Variants in PHGDH observed in about 807,000 individuals in gnomAD.
PHGDH encodes the protein phosphoglycerate dehydrogenase.
PHGDH carries 50 observed loss-of-function variants against 52.6 expected under a neutral mutation model. The ratio of observed to expected loss-of-function variants is 0.95; its 90% CI spans 0.76 to 1.20. The LOEUF (loss-of-function observed/expected upper bound fraction) is 1.20. Ranked by LOEUF, PHGDH falls within the 50% of genes most tolerant of loss-of-function variation. The pLI, the probability that PHGDH is intolerant of heterozygous loss-of-function variation, is 0.00. For synonymous variants in PHGDH, 271 were observed against 280.5 expected, an observed-to-expected ratio of 0.97 and a Z score of 0.34; for missense variants, 630 against 684.6, an observed-to-expected ratio of 0.92 and a Z score of 0.89.
intron 2 of PHGDH, among the ~76,000 whole-genome samples, chr1:119,722,268 A>C (rs1651201794): frequency 2.0e-5 from 3 of 152,144 alleles, no homozygotes; most frequent in African/African-American, 7.2e-5. Flanking sequence ...GCAGGCAGAC[A>C]GACTCTGAGA....
chr1:119,734,789 G>T (rs1165534348), intron 6 of PHGDH, 23 bp downstream of exon 6: 5 of 1,613,588 alleles, frequency 3.1e-6, no homozygotes, highest in Non-Finnish European at 4.2e-6. Flanking sequence ...TTACATTGTG[G>T]ATTGGTCACA....
intron 1 of PHGDH, among the ~76,000 whole-genome samples, chr1:119,716,797 GA>G (rs774196395): frequency 6.6e-6 from 1 of 152,116 alleles, no homozygotes; most frequent in Non-Finnish European, 1.5e-5. Context: ...TGGCTGCAAA[GA>G]AATGACCACT....
chr1:119,731,350 C>G (rs1305907905), intron 5 of PHGDH, among the ~76,000 whole-genome samples: 1 of 152,178 alleles, frequency 6.6e-6, no homozygotes, highest in Non-Finnish European at 1.5e-5. Context: ...CTCAGAGACT[C>G]AGCTCATTCA....
chr1:119,726,989 C>T lies in PHGDH; in HGVS notation c.412-15C>T, dbSNP rs368681081. ...GCTGACTTCAGCTTCTTTCCTTTTG[C>T]CTGTTTGGTTGCAGTTCATGGGAAC... On this transcript the variant is annotated splice_polypyrimidine_tract_variant and intron_variant, in intron 4 of 11. Coordinates refer to ENST00000641023, the MANE Select transcript of PHGDH (RefSeq NM_006623.4). The T allele has an allele frequency of 3.1e-4, 497 of 1,610,068 alleles. No individual in the cohort carries two copies. Among genetic ancestry groups the T allele is most frequent in the Non-Finnish European group, 4.1e-4 (484 of 1,176,380 alleles).
intron 3 of PHGDH, among the ~76,000 whole-genome samples, chr1:119,723,877 A>G (rs768488254): frequency 1.1e-4 from 16 of 152,142 alleles, no homozygotes; most frequent in Non-Finnish European, 2.4e-4. Flanking sequence ...CAGCTAGGCT[A>G]TGTCCCTCAC....
chr1:119,739,945 T>TA (rs1322751476), intron 8 of PHGDH: 27 of 199,304 alleles, frequency 1.4e-4, no homozygotes, highest in Admixed American at 6.9e-4. Context: ...TGTAAACACT[T>TA]AAAAAAATTC....
Position 119,744,129 on chromosome 1 carries a change from G to T in PHGDH, c.*89G>T. ...TAGGGAGAGAAAATCCACATTCTTG[G>T]GCTGAACGCGGGCCTCTGACACTGC... is the stretch of plus-strand genomic sequence containing the variant. On this transcript the variant is annotated 3_prime_UTR_variant, in exon 12 of 12. Transcript: ENST00000641023. 1.6e-6 allele frequency: 2 copies of T among 1,236,526 alleles called. No homozygotes were observed. The highest frequency in any genetic ancestry group is 1.2e-5 in the South Asian group (1 of 82,960). The allele number at this position is 1,236,526 out of a possible 1,614,324, so 76.6% of individuals were successfully genotyped here.
chr1:119,743,131 GC>G (rs1264506441), intron 11 of PHGDH, 87 bp downstream of exon 11: 1 of 868,850 alleles, frequency 1.2e-6, no homozygotes, highest in African/African-American at 1.6e-5. Context: ...CCTTCCTTTA[GC>G]CCCTCTTCAT....
chr1:119,737,024 C>T (rs945981072), intron 7 of PHGDH, 90 bp from the exon 8 acceptor site: 24 of 1,314,800 alleles, frequency 1.8e-5, no homozygotes, highest in Non-Finnish European at 2.4e-5. Context: ...TCCTGACTGC[C>T]TTCCCTCCAA....
At chr1:119,712,647 C>T (rs2101137623) in intron 1 of PHGDH, 1 of 177,300 alleles carries the variant, frequency 5.6e-6, no homozygotes, top group Admixed American at 5.6e-5. Context: ...GGCCGCCCCG[C>T]CGATTCTAGC....
chr1:119,725,769 T>C (rs1651381327), intron 3 of PHGDH, among the ~76,000 whole-genome samples: 2 of 152,194 alleles, frequency 1.3e-5, no homozygotes, highest in Admixed American at 1.3e-4. Context: ...TCGCTCACTC[T>C]GAGGTTTTTG....
chr1:119,739,541 AT>A (rs1357365098), intron 8 of PHGDH: 4 of 152,126 alleles, frequency 2.6e-5, no homozygotes, highest in Non-Finnish European at 5.9e-5. Flanking sequence ...AAAAAAAAAA[AT>A]TCTTCCAATG....
intron 5 of PHGDH, among the ~76,000 whole-genome samples, chr1:119,733,491 A>G (rs1194664143): frequency 2.9e-5 from 4 of 137,662 alleles, no homozygotes; most frequent in Admixed American, 1.5e-4. Flanking sequence ...ATGCCACCAA[A>G]CTTGGCTAGT....
At position 119,740,967 on chromosome 1, in the gene PHGDH, G is replaced by T. The variant is rs186117075; in HGVS notation, c.1078+449G>T. 6.6e-5 allele frequency among the ~76,000 whole-genome samples: 10 copies of T among 152,302 alleles called. No individual in the cohort carries two copies. The East Asian group carries it at 1.9e-3, about 29-fold the overall frequency. On this transcript the variant is annotated intron_variant, in intron 9 of 11. Transcript: ENST00000641023. Reference sequence around the variant, plus strand: ...AGAGTTAGGGGCAGATGAGCCAGGAGCGGTGAGGACACTTTGTGCTCTGTA... The same window carrying T: ...AGAGTTAGGGGCAGATGAGCCAGGATCGGTGAGGACACTTTGTGCTCTGTA...
At chr1:119,714,226 A>G (rs1650822025) in intron 1 of PHGDH, among the ~76,000 whole-genome samples, 2 of 152,150 alleles carry the variant, frequency 1.3e-5, no homozygotes, top group South Asian at 4.2e-4. Context: ...GCCCTCCCCC[A>G]CTGAAGTCTC....
In PHGDH at chr1:119,725,371, C is replaced by T. The variant is rs145242197; in HGVS notation, c.357-1480C>T. ...TACATCTTAGATAGCACTGTGGAGT[C>T]TGGTGGGAAGAAAATAGGATGTGAG... is the stretch of plus-strand genomic sequence containing the variant. On this transcript the variant is annotated intron_variant, in intron 3 of 11. Transcript: ENST00000641023. Among the ~76,000 whole-genome samples the T allele has an allele frequency of 3.2e-3, 493 of 152,250 alleles. 4 individuals carry two copies. Among genetic ancestry groups the T allele is most frequent in the Non-Finnish European group, 4.8e-3 (324 of 68,020 alleles).
In PHGDH at chr1:119,743,893, G is replaced by A; in HGVS notation, c.1455G>A (p.Leu485=). 1 of 1,613,154 alleles carries A rather than the reference G, an allele frequency of 6.2e-7. No individual in the cohort carries two copies. Among genetic ancestry groups the A allele is most frequent in the Non-Finnish European group, 8.5e-7 (1 of 1,179,150 alleles). The change falls in exon 12 of 12, where the codon CTG becomes CTA. Residue 485 remains leucine (L), a synonymous_variant. Transcript: ENST00000641023. ...AGTTTCTTCTATTTCCAGGCCTCCT[G>A]GCAGAGGCAGGCGTGCGGCTGCTGT... The part of the protein sequence containing the change: ...PAMLPTMIGL[L]AEAGVRLLSY...
At chr1:119,726,946 C>G in intron 4 of PHGDH, 41 bp downstream of exon 4, 1 of 1,608,036 alleles carries the variant, frequency 6.2e-7, no homozygotes, top group Non-Finnish European at 8.5e-7. Flanking sequence ...GGCTCAGGGC[C>G]CGGGGTCCAC....
At chr1:119,735,560 C>T in intron 7 of PHGDH, 117 bp downstream of exon 7, 1 of 1,109,682 alleles carries the variant, frequency 9.0e-7, no homozygotes, top group East Asian at 2.5e-5. Flanking sequence ...CTCTTTCATC[C>T]ATGGTAAAAG....
Sources: allele counts gnomAD v4.1 joint callset (sites outside exome capture counted in the v4.1 genomes callset), GRCh38; gene constraint gnomAD v4.1.1; transcripts MANE v1.5; gene names NCBI Gene and HGNC (gene_info 2026-07-23, HGNC 2026-07-21).